Variants in DST observed in about 807,000 individuals in gnomAD.
DST encodes the protein dystonin, also known as bullous pemphigoid antigen.
In DST, 253 loss-of-function variants were observed where a neutral mutation model predicts 875.2. The observed-to-expected ratio is 0.29, with a 90% CI of 0.26 to 0.32. DST has a LOEUF of 0.32. DST is among the 10% of genes least tolerant of loss of function. DST has a pLI of 1.00. For synonymous variants in DST, 3,124 were observed against 3,197.1 expected, an observed-to-expected ratio of 0.98 and a Z score of 0.77; for missense variants, 8,287 against 9,111.6, an observed-to-expected ratio of 0.91 and a Z score of 3.68.
chr6:56,592,517 T>C (rs1163584944), intron 48 of DST, among the ~76,000 whole-genome samples, 159 bp from the exon 49 acceptor site: 1 of 152,148 alleles, frequency 6.6e-6, no homozygotes, highest in Non-Finnish European at 1.5e-5. Context: ...CTCCTTTATA[T>C]GAAGAGGTAC....
rs758775374 is a variant in DST at position 56,530,020 on chromosome 6, A to G, written c.17222T>C (p.Ile5741Thr). 1.9e-6 allele frequency: 3 copies of G among 1,613,512 alleles called. 1 individual carries two copies. The highest frequency in any genetic ancestry group is 2.2e-5 in the South Asian group (2 of 91,070). Residue 5741 changes from isoleucine to threonine, a missense_variant, in exon 65 of 104, where the codon ATA becomes ACA. Ile to Thr is a moderately conservative substitution (Grantham distance 89). Around this residue, in one of 10 missense-constraint regions of DST, gnomAD observed 777 missense variants for 764.8 expected, o/e 1.02. Transcript: ENST00000680361. ...CTCAAGTTTAGATGCTTGGGTTCCT[A>G]TGGGTTCACAATTCACCAGCCTCTT... ...IEKRLVNCEP[I>T]GTQASKLEEQ...
At chr6:56,466,223 T>C (rs2094570162) in intron 98 of DST, 28 bp from the exon 99 acceptor site, 2 of 1,451,646 alleles carry the variant, frequency 1.4e-6, no homozygotes. Context: ...AAAGAACCTC[T>C]AGTTGTCAAT....
intron 4 of DST, among the ~76,000 whole-genome samples, chr6:56,822,546 A>C (rs962753177): frequency 6.6e-6 from 1 of 152,214 alleles, no homozygotes; most frequent in Non-Finnish European, 1.5e-5. Context: ...AACTGTATGA[A>C]GCCAGGTGAA....
chr6:56,562,565 G>GT (rs977514880), intron 55 of DST, among the ~76,000 whole-genome samples: 3 of 149,392 alleles, frequency 2.0e-5, no homozygotes, highest in Non-Finnish European at 3.0e-5. Context: ...TGGAGCTTTA[G>GT]TTTTTTTTTA....
intron 4 of DST, among the ~76,000 whole-genome samples, chr6:56,758,094 T>C (rs1395175164): frequency 6.6e-6 from 1 of 152,206 alleles, no homozygotes; most frequent in Non-Finnish European, 1.5e-5. Context: ...CGTACAACTG[T>C]AGCAGAAACT....
intron 86 of DST, among the ~76,000 whole-genome samples, chr6:56,488,916 A>G (rs1415630277): frequency 6.6e-6 from 1 of 152,180 alleles, no homozygotes; most frequent in African/African-American, 2.4e-5. Flanking sequence ...GGTAGAAAAT[A>G]TTTAAAAAAC....
At chr6:56,735,180 CTG>C in intron 5 of DST, 46 bp downstream of exon 5, 1 of 1,286,846 alleles carries the variant, frequency 7.8e-7, no homozygotes, top group South Asian at 1.3e-5. Context: ...GCAAAATAAA[CTG>C]AAATATTCCA....
At chr6:56,498,752 A>G (rs1010142650) in intron 80 of DST, among the ~76,000 whole-genome samples, 1 of 152,104 alleles carries the variant, frequency 6.6e-6, no homozygotes, top group African/African-American at 2.4e-5. Context: ...ATATTCCTTT[A>G]TCTTCTCTCA....
At chr6:56,618,879 CT>C in intron 36 of DST, 1 of 1,614,098 alleles carries the variant, frequency 6.2e-7, no homozygotes, top group African/African-American at 1.3e-5. Flanking sequence ...TCGTCTTGTA[CT>C]TTTTTCAACC....
intron 69 of DST, among the ~76,000 whole-genome samples, chr6:56,524,586 T>G (rs1241209185): frequency 6.6e-6 from 1 of 152,116 alleles, no homozygotes; most frequent in Non-Finnish European, 1.5e-5. Flanking sequence ...GGCATGTTCC[T>G]CCCAGCTCTA....
At chr6:56,595,675 G>A (rs2152691829) in intron 47 of DST, among the ~76,000 whole-genome samples, 1 of 152,224 alleles carries the variant, frequency 6.6e-6, no homozygotes, top group Middle Eastern at 3.4e-3. Flanking sequence ...TATCCTCACT[G>A]TCTATAACAG....
chr6:56,620,536 C>CT (rs776849206), intron 36 of DST: 1 of 1,614,024 alleles, frequency 6.2e-7, no homozygotes, highest in Non-Finnish European at 8.5e-7. Flanking sequence ...TTTCTGCAGC[C>CT]TCCCTGACCT....
At chr6:56,777,820 C>G (rs970741542) in intron 4 of DST, among the ~76,000 whole-genome samples, 2 of 151,898 alleles carry the variant, frequency 1.3e-5, no homozygotes, top group African/African-American at 4.9e-5. Flanking sequence ...ACCTCACTTC[C>G]CAAGTACCTG....
chr6:56,607,709 T>A lies in DST; in HGVS notation c.6919A>T (p.Met2307Leu). Reference protein sequence around the residue: ...KCAIDEEFNEMRNTVINSEFS... With the variant: ...KCAIDEEFNELRNTVINSEFS... Reference sequence around the variant, plus strand: ...TCACTATTGATAACAGTATTTCTCATTTCATTAAATTCTTCATCTATAGCA... The same window carrying A: ...TCACTATTGATAACAGTATTTCTCAATTCATTAAATTCTTCATCTATAGCA... The change falls in exon 40 of 104, where the codon ATG (methionine) becomes TTG (leucine). Residue 2307 changes from methionine to leucine, a missense_variant. Transcript: ENST00000680361. The A allele has an allele frequency of 1.2e-6, 2 of 1,613,474 alleles. No individual in the cohort carries two copies. The highest frequency in any genetic ancestry group is 1.7e-6 in the Non-Finnish European group (2 of 1,179,628).
chr6:56,719,692 C>T (rs1247774015), intron 5 of DST, among the ~76,000 whole-genome samples: 1 of 152,158 alleles, frequency 6.6e-6, no homozygotes, highest in Non-Finnish European at 1.5e-5. Context: ...TTTCCCTAAG[C>T]GTCAGCCGGT....
intron 49 of DST, among the ~76,000 whole-genome samples, chr6:56,585,021 T>C (rs1485936126): frequency 2.6e-5 from 4 of 151,960 alleles, no homozygotes; most frequent in Non-Finnish European, 5.9e-5. Context: ...GATTTTTGCA[T>C]CAATGTTCAT....
At chr6:56,748,345 A>T (rs2099578322) in intron 4 of DST, among the ~76,000 whole-genome samples, 1 of 152,174 alleles carries the variant, frequency 6.6e-6, no homozygotes, top group Admixed American at 6.6e-5. Flanking sequence ...AATCTACATA[A>T]ACCTAGGTTC....
At chr6:56,491,775 G>A (rs908525846) in intron 85 of DST, among the ~76,000 whole-genome samples, 5 of 152,138 alleles carry the variant, frequency 3.3e-5, no homozygotes, top group Non-Finnish European at 5.9e-5. Flanking sequence ...GAAAGCTGTC[G>A]GGAGGGCTAC....
chr6:56,904,076 TA>T (rs1252829352), intron 2 of DST, among the ~76,000 whole-genome samples: 22 of 152,200 alleles, frequency 1.4e-4, no homozygotes, highest in African/African-American at 5.3e-4. Flanking sequence ...GTAATGGAGG[TA>T]AAGTACTTCA....
Sources: gnomAD v4.1 joint callset for allele counts (sites outside exome capture counted in the v4.1 genomes callset) on GRCh38, gnomAD v4.1.1 for gene constraint, gnomAD v4.1.1 regional missense constraint, MANE v1.5 for transcripts, NCBI Gene and HGNC (gene_info 2026-07-23, HGNC 2026-07-21) for gene names.